The following ADAM11 variants were observed in gnomAD, a reference collection of about 807,000 sequenced individuals.
ADAM11 encodes disintegrin and metalloproteinase domain-containing protein 11.
ADAM11 carries 49 observed loss-of-function variants against 119.1 expected under a neutral mutation model. That is an observed-to-expected ratio of 0.41 (90% confidence interval 0.33 to 0.52). ADAM11 has a LOEUF of 0.52. Among genes scored for constraint, ADAM11 ranks in the 20% least tolerant of loss-of-function variants. The pLI is 0.20. For synonymous variants in ADAM11, 364 were observed against 408.0 expected (o/e 0.89, Z 1.30); for missense variants, 777 against 1,047.5 (o/e 0.74, Z 3.56).
chr17:44,763,931 G>T (rs542450322), intron 2 of ADAM11, among the ~76,000 whole-genome samples: 1 of 152,232 alleles, frequency 6.6e-6, no homozygotes, highest in Admixed American at 6.5e-5. Flanking sequence ...TGGCCAAACT[G>T]GTCTCGAACT....
At position 44,776,809 on chromosome 17, in the gene ADAM11, C is replaced by G. The variant is rs1222860734; in HGVS notation, c.1617+14C>G. ...GACCATGAGCAGGTATGATGGCTGC[C>G]CCCTGAGCCTGGGATTCAGGGCAGT... On this transcript the variant is annotated intron_variant, in intron 19 of 26. Coordinates refer to ENST00000200557, the MANE Select transcript of ADAM11 (RefSeq NM_002390.6). The surrounding 1 kb of genome is among the most constrained non-coding windows in gnomAD (Gnocchi z 5.2). 1 of 1,614,040 alleles carries G rather than the reference C, an allele frequency of 6.2e-7. No homozygotes were observed. The highest frequency in any genetic ancestry group is 8.5e-7 in the Non-Finnish European group (1 of 1,180,006).
At chr17:44,759,701 G>A (rs756443140) in intron 1 of ADAM11, 21 bp from the exon 2 acceptor site, 53 of 1,317,854 alleles carry the variant, frequency 4.0e-5, no homozygotes, top group Non-Finnish European at 5.1e-5. Flanking sequence ...GCTGCCTGCA[G>A]CCATGGCCTT....
intron 14 of ADAM11, 42 bp downstream of exon 14, chr17:44,774,791 G>A (rs1205817938): frequency 6.3e-7 from 1 of 1,585,302 alleles, no homozygotes. Flanking sequence ...CTTGGGCGAG[G>A]GGAGTCTTAG....
intron 2 of ADAM11, 108 bp downstream of exon 2, chr17:44,760,005 G>A: frequency 9.0e-7 from 1 of 1,111,140 alleles, no homozygotes; most frequent in Non-Finnish European, 1.1e-6. Context: ...GCCCCGCAGG[G>A]TCCCCTTCTG....
chr17:44,770,707 A>G (rs529610421), intron 4 of ADAM11, among the ~76,000 whole-genome samples: 1 of 152,318 alleles, frequency 6.6e-6, no homozygotes, highest in South Asian at 2.1e-4. Context: ...GGGCGAGTAC[A>G]TGATTAAATG....
At chr17:44,778,713 AGAAAGAAAGAGAG>A (rs2049643207) in intron 25 of ADAM11, among the ~76,000 whole-genome samples, 225 of 80,350 alleles carry the variant, frequency 2.8e-3, no homozygotes, top group Non-Finnish European at 3.6e-3. Context: ...AAAAAAAAAA[AGAAAGAAAGAGAG>A]AAAGAAAAGA....
intron 2 of ADAM11, among the ~76,000 whole-genome samples, chr17:44,760,449 C>G (rs2049376468): frequency 6.6e-6 from 1 of 152,256 alleles, no homozygotes; most frequent in African/African-American, 2.4e-5. Flanking sequence ...CCAGCTCTAC[C>G]TGCCTGCCCA....
At chr17:44,765,050 G>C (rs1438082889) in intron 2 of ADAM11, among the ~76,000 whole-genome samples, 2 of 152,146 alleles carry the variant, frequency 1.3e-5, no homozygotes, top group East Asian at 3.9e-4. Flanking sequence ...TCTGTCCCCA[G>C]AGGGACTGAT....
chr17:44,774,771 G>T, intron 14 of ADAM11, 22 bp downstream of exon 14: 1 of 1,588,506 alleles, frequency 6.3e-7, no homozygotes, highest in South Asian at 1.1e-5. Context: ...GGGACAAACC[G>T]GGGGAAGGTC....
rs996086154 is a variant in ADAM11 at position 44,776,278 on chromosome 17, C to G, written c.1566+71C>G. On this transcript the variant is annotated intron_variant, in intron 18 of 26. Transcript: ENST00000200557. The surrounding 1 kb of genome is among the most constrained non-coding windows in gnomAD (Gnocchi z 5.2). ...CCTACCCTTGTCGATTTGGTTTTCC[C>G]GGACGAGTGCTCAGCACTCCCCTCC... is the stretch of plus-strand genomic sequence containing the variant. 22 of 1,545,212 alleles carry G rather than the reference C, an allele frequency of 1.4e-5. No individual in the cohort carries two copies. Among genetic ancestry groups the G allele is most frequent in the Non-Finnish European group, 1.9e-5 (21 of 1,123,022 alleles).
chr17:44,767,889 C>T (rs1343559890), intron 2 of ADAM11, among the ~76,000 whole-genome samples: 1 of 152,152 alleles, frequency 6.6e-6, no homozygotes, highest in African/African-American at 2.4e-5. Context: ...TGGGGTGGCT[C>T]GCAGACCTCC....
At chr17:44,761,667 G>A (rs1383040204) in intron 2 of ADAM11, among the ~76,000 whole-genome samples, 1 of 152,066 alleles carries the variant, frequency 6.6e-6, no homozygotes. Context: ...CCCTCATGGC[G>A]ACCTCCTCAA....
At chr17:44,779,130 G>T in intron 25 of ADAM11, 92 bp from the exon 26 acceptor site, 3 of 1,509,890 alleles carry the variant, frequency 2.0e-6, no homozygotes, top group Non-Finnish European at 2.7e-6. Context: ...CTGGGGCAAG[G>T]GGTCGCATGG....
Position 44,774,680 on chromosome 17 carries a change from G to A in ADAM11, c.1169-18G>A, listed in dbSNP as rs977453464. 1.3e-6 allele frequency: 2 copies of A among 1,591,398 alleles called. No individual in the cohort carries two copies. The highest frequency in any genetic ancestry group is 2.3e-5 in the South Asian group (2 of 88,302). On this transcript the variant is annotated intron_variant, in intron 13 of 26. Transcript: ENST00000200557. ...GTGGTCCTTGGCCTCCCTCATATCCGCCTGGCTCACCCCTCAGGGGACTGC... is the reference window on the plus strand; with the variant it reads ...GTGGTCCTTGGCCTCCCTCATATCCACCTGGCTCACCCCTCAGGGGACTGC...
In ADAM11 at chr17:44,778,718, GAA is replaced by G. The variant is rs1289616385; in HGVS notation, c.2276+478_2276+479del. ...AAAAAAAAAAAAAAAAAAAAAGAAAGAAAGAGAGAAAGAAAAGAAAAGAGAAA... is the reference window on the plus strand; with the variant it reads ...AAAAAAAAAAAAAAAAAAAAAGAAAGAGAGAGAAAGAAAAGAAAAGAGAAA... On this transcript the variant is annotated intron_variant, in intron 25 of 26. Coordinates refer to ENST00000200557, the MANE Select transcript of ADAM11 (RefSeq NM_002390.6). Among the ~76,000 whole-genome samples, 7 of 101,746 alleles carry G rather than the reference GAA, an allele frequency of 6.9e-5. No individual in the cohort carries two copies. The East Asian group carries it at 1.1e-3, about 16-fold the overall frequency. The allele number at this position is 101,746 out of a possible 152,430, so 66.7% of individuals were successfully genotyped here. A position where few individuals can be genotyped will look rare whatever the true frequency, so the allele number is the denominator to read the frequency against.
chr17:44,770,483 C>T (rs1408759530), intron 4 of ADAM11, among the ~76,000 whole-genome samples: 5 of 54,304 alleles, frequency 9.2e-5, no homozygotes, highest in Non-Finnish European at 3.8e-5. Flanking sequence ...TATAAATAGC[C>T]TGTCTCCCCC....
intron 2 of ADAM11, among the ~76,000 whole-genome samples, chr17:44,765,320 G>A (rs1200212057): frequency 6.6e-6 from 1 of 152,138 alleles, no homozygotes; most frequent in Non-Finnish European, 1.5e-5. Context: ...GGCCCACAAG[G>A]TGGTGGTGTC....
intron 2 of ADAM11, among the ~76,000 whole-genome samples, chr17:44,764,470 G>A (rs1320454393): frequency 1.3e-5 from 2 of 152,172 alleles, no homozygotes; most frequent in Non-Finnish European, 2.9e-5. Context: ...CTGAAGTTGC[G>A]GCTCTCTCCT....
chr17:44,762,790 A>T (rs1320335522), intron 2 of ADAM11, among the ~76,000 whole-genome samples: 1 of 151,964 alleles, frequency 6.6e-6, no homozygotes, highest in East Asian at 1.9e-4. Context: ...TCCTGGCTTG[A>T]CAGGGGCAAG....
Sources: allele counts gnomAD v4.1 joint callset (sites outside exome capture counted in the v4.1 genomes callset), GRCh38; gene constraint gnomAD v4.1.1; non-coding constraint Gnocchi (gnomAD v3.1); transcripts MANE v1.5; gene names NCBI Gene and HGNC (gene_info 2026-07-23, HGNC 2026-07-21).